The following CBLB variants were observed in gnomAD, a reference collection of about 807,000 sequenced individuals.
CBLB encodes E3 ubiquitin-protein ligase CBL-B.
CBLB carries 31 observed loss-of-function variants against 104.9 expected under a neutral mutation model. The ratio of observed to expected loss-of-function variants is 0.30; its 90% CI spans 0.22 to 0.40. The LOEUF is 0.40. CBLB is among the 10% of genes least tolerant of loss of function. The probability of loss-of-function intolerance (pLI) is 1.00; values close to 1 mark genes in which losing one functional copy is unlikely to be tolerated. For synonymous variants in CBLB, 440 were observed against 422.6 expected (o/e 1.04, Z -0.51); for missense variants, 1,062 against 1,214.6 (o/e 0.87, Z 1.87).
At chr3:105,803,351 C>T (rs927817788) in intron 3 of CBLB, among the ~76,000 whole-genome samples, 1 of 152,080 alleles carries the variant, frequency 6.6e-6, no homozygotes, top group African/African-American at 2.4e-5. Flanking sequence ...CTTTGTATGG[C>T]GGCTTGCATG....
At chr3:105,747,190 C>T (rs562426624) in intron 5 of CBLB, among the ~76,000 whole-genome samples, 12 of 152,100 alleles carry the variant, frequency 7.9e-5, no homozygotes, top group African/African-American at 2.4e-4. Flanking sequence ...TTAAGGCTGA[C>T]GCTACATTTA....
chr3:105,701,970 A>T, intron 12 of CBLB, 124 bp downstream of exon 12: 1 of 964,336 alleles, frequency 1.0e-6, no homozygotes. Flanking sequence ...ACTTGGGGAT[A>T]ATTAAAGACT....
chr3:105,759,514 G>A (rs2077405589), intron 4 of CBLB, among the ~76,000 whole-genome samples: 1 of 152,190 alleles, frequency 6.6e-6, no homozygotes. Flanking sequence ...GGCCCATGCG[G>A]AGCTACCCTC....
At chr3:105,842,656 C>CA (rs1400687929) in intron 3 of CBLB, among the ~76,000 whole-genome samples, 1 of 152,186 alleles carries the variant, frequency 6.6e-6, no homozygotes, top group African/African-American at 2.4e-5. Context: ...GATAAGAAGA[C>CA]AGACACGTGT....
intron 2 of CBLB, among the ~76,000 whole-genome samples, chr3:105,861,456 T>C (rs552655825): frequency 6.6e-6 from 1 of 152,234 alleles, no homozygotes; most frequent in East Asian, 1.9e-4. Context: ...AACTTCTCTG[T>C]ATATTCCCTT....
intron 14 of CBLB, among the ~76,000 whole-genome samples, chr3:105,683,096 G>A (rs892660699): frequency 6.6e-6 from 1 of 152,136 alleles, no homozygotes; most frequent in Admixed American, 6.5e-5. Flanking sequence ...TCTCTCTGGT[G>A]GCCACTTCTC....
intron 3 of CBLB, among the ~76,000 whole-genome samples, chr3:105,790,987 A>G (rs1181467140): frequency 6.6e-6 from 1 of 152,206 alleles, no homozygotes; most frequent in African/African-American, 2.4e-5. Context: ...CACCAGGGAG[A>G]ACTGCATGAG....
At chr3:105,681,983 T>C in intron 14 of CBLB, 165 bp from the exon 15 acceptor site, 1 of 598,660 alleles carries the variant, frequency 1.7e-6, no homozygotes, top group South Asian at 2.0e-5. Context: ...TCATCCCTTA[T>C]TTTAAAATGT....
At chr3:105,688,715 T>C (rs2067304301) in intron 13 of CBLB, among the ~76,000 whole-genome samples, 1 of 152,044 alleles carries the variant, frequency 6.6e-6, no homozygotes, top group South Asian at 2.1e-4. Context: ...AAAATATAGC[T>C]ATATTTGAAA....
chr3:105,851,042 G>A (rs772687814), intron 3 of CBLB, among the ~76,000 whole-genome samples: 10 of 152,086 alleles, frequency 6.6e-5, no homozygotes, highest in Non-Finnish European at 1.3e-4. Flanking sequence ...TTACCCAAAT[G>A]AGTTAAAAGC....
In CBLB at chr3:105,772,340, T is replaced by A. The variant is rs776743746; in HGVS notation, c.566+4056A>T. Among the ~76,000 whole-genome samples, 24 of 152,248 alleles carry A rather than the reference T, an allele frequency of 1.6e-4. 1 individual carries two copies. Among genetic ancestry groups the A allele is most frequent in the Admixed American group, 9.2e-4 (14 of 15,288 alleles). On this transcript the variant is annotated intron_variant, in intron 4 of 18. Transcript: ENST00000394030. ...CCACATGTAGAAGAATGAAACTGGA[T>A]CCCCATCTCTCACCTTATTAAAAAA...
Position 105,670,254 on chromosome 3 carries a change from C to A in CBLB, c.2668G>T (p.Asp890Tyr), listed in dbSNP as rs2064924744. The change falls in exon 18 of 19, where the codon GAT becomes TAT. Residue 890 changes from aspartate (D) to tyrosine (Y), a missense_variant. Coordinates refer to ENST00000394030, the MANE Select transcript of CBLB (RefSeq NM_170662.5). ...VKTNRTSQDY[D>Y]QLPSCSDGSQ... The stretch of plus-strand genomic sequence containing the variant: ...TCACCTGAACATGAAGGAAGCTGAT[C>A]ATAGTCCTGTGATGTTCTGTTAGTT... The A allele has an allele frequency of 6.2e-7, 1 of 1,613,094 alleles. No individual in the cohort carries two copies. The highest frequency in any genetic ancestry group is 1.1e-5 in the South Asian group (1 of 91,060).
intron 10 of CBLB, among the ~76,000 whole-genome samples, chr3:105,718,602 A>G (rs1043481812): frequency 1.3e-5 from 2 of 152,218 alleles, no homozygotes; most frequent in Non-Finnish European, 2.9e-5. Context: ...ACACATTATC[A>G]TCACTCCACC....
intron 18 of CBLB, among the ~76,000 whole-genome samples, chr3:105,663,833 C>T (rs1359342922): frequency 6.6e-6 from 1 of 150,976 alleles, no homozygotes. Flanking sequence ...AGAGATATAC[C>T]TCTATCTCTA....
At chr3:105,714,075 G>T (rs1022697771) in intron 10 of CBLB, among the ~76,000 whole-genome samples, 1 of 152,052 alleles carries the variant, frequency 6.6e-6, no homozygotes, top group Non-Finnish European at 1.5e-5. Context: ...TGTAATTTTT[G>T]ATCTTACGGC....
At chr3:105,757,954 A>C (rs1357563824) in intron 4 of CBLB, among the ~76,000 whole-genome samples, 1 of 152,250 alleles carries the variant, frequency 6.6e-6, no homozygotes, top group East Asian at 1.9e-4. Flanking sequence ...ATCTTTAAAC[A>C]GAGGGCAAGC....
intron 18 of CBLB, among the ~76,000 whole-genome samples, chr3:105,664,734 T>C (rs752162048): frequency 3.9e-5 from 6 of 152,118 alleles, no homozygotes; most frequent in Admixed American, 1.3e-4. Flanking sequence ...ATGTGAAAAA[T>C]ATAGGAAGTA....
intron 8 of CBLB, among the ~76,000 whole-genome samples, chr3:105,735,044 A>G (rs1217067534): frequency 6.6e-6 from 1 of 152,252 alleles, no homozygotes; most frequent in African/African-American, 2.4e-5. Context: ...TGAAACCAAT[A>G]TTTGGGTAAA....
At chr3:105,779,319 A>G (rs1033972583) in intron 3 of CBLB, among the ~76,000 whole-genome samples, 4 of 152,184 alleles carry the variant, frequency 2.6e-5, no homozygotes, top group African/African-American at 7.2e-5. Flanking sequence ...ACCAGGACCT[A>G]TATCAATACT....
Sources: allele counts gnomAD v4.1 joint callset (sites outside exome capture counted in the v4.1 genomes callset), GRCh38; gene constraint gnomAD v4.1.1; transcripts MANE v1.5; gene names NCBI Gene and HGNC (gene_info 2026-07-23, HGNC 2026-07-21).